FBXW10B: variants seen among roughly 807,000 people sequenced by gnomAD.
The protein encoded by FBXW10B is F-box and WD repeat domain containing 10B, also known as F-box and WD repeat domain containing protein 10B.
chr17:15,614,964 C>T, the FBXW10B span, among the ~76,000 whole-genome samples: 4 of 152,120 alleles, frequency 2.6e-5, no homozygotes, highest in Non-Finnish European at 5.9e-5. Flanking sequence ...CTAGAGCTGG[C>T]CACCATGCCA....
chr17:15,612,905 T>C, the FBXW10B span: 1 of 1,523,228 alleles, frequency 6.6e-7, no homozygotes, highest in Non-Finnish European at 8.8e-7. Context: ...AGGGAAAAAC[T>C]AGTTCTTGGC....
chr17:15,605,452 T>C, the FBXW10B span: 1,601 of 1,441,986 alleles, frequency 1.1e-3, 1 homozygote, highest in Non-Finnish European at 1.3e-3. Flanking sequence ...GGATTATCCA[T>C]GAAAGAAGAG....
chr17:15,583,542 C>T, the FBXW10B span, among the ~76,000 whole-genome samples: 10 of 148,636 alleles, frequency 6.7e-5, 1 homozygote, highest in South Asian at 2.3e-4. Context: ...TCAGGGAATG[C>T]GGTATTAGGC....
chr17:15,579,299 AG>A, the FBXW10B span, among the ~76,000 whole-genome samples: 1 of 152,206 alleles, frequency 6.6e-6, no homozygotes, highest in Non-Finnish European at 1.5e-5. Context: ...CTTTTAAAAT[AG>A]GTTTTGTTTT....
At chr17:15,572,653 C>A in the FBXW10B span, 2 of 151,638 alleles carry the variant, frequency 1.3e-5, no homozygotes, top group Non-Finnish European at 2.9e-5. Context: ...TGGGAGAGAG[C>A]ACTCCAGAGC....
At chr17:15,595,107 C>T in the FBXW10B span, among the ~76,000 whole-genome samples, 8 of 151,886 alleles carry the variant, frequency 5.3e-5, no homozygotes, top group Non-Finnish European at 8.8e-5. Flanking sequence ...TTTGGGAGGC[C>T]GAGGCGGGCG....
the FBXW10B span, among the ~76,000 whole-genome samples, chr17:15,583,628 C>CA: frequency 6.6e-6 from 1 of 150,614 alleles, no homozygotes; most frequent in Non-Finnish European, 1.5e-5. Flanking sequence ...CATCCCAACT[C>CA]AAGACTCTAG....
At chr17:15,570,224 T>C in the FBXW10B span, among the ~76,000 whole-genome samples, 4 of 152,272 alleles carry the variant, frequency 2.6e-5, 1 homozygote, top group Admixed American at 2.0e-4. Flanking sequence ...GCATCTGCTG[T>C]CAAGGCGATG....
the FBXW10B span, among the ~76,000 whole-genome samples, chr17:15,602,241 A>C: frequency 1.7e-3 from 258 of 152,342 alleles, no homozygotes; most frequent in Admixed American, 2.9e-3. Flanking sequence ...TAAAAACAGA[A>C]AGACAGTGGA....
the FBXW10B span, chr17:15,572,388 C>T: frequency 6.6e-6 from 1 of 152,192 alleles, no homozygotes; most frequent in Non-Finnish European, 1.5e-5. Context: ...AACGACTGTT[C>T]TTATAAAGCC....
the FBXW10B span, among the ~76,000 whole-genome samples, chr17:15,604,391 G>C: frequency 3.9e-5 from 6 of 152,146 alleles, no homozygotes; most frequent in Non-Finnish European, 8.8e-5. Context: ...TATAAAATTA[G>C]AATAATATTA....
the FBXW10B span, chr17:15,607,806 C>T: frequency 1.2e-6 from 1 of 838,600 alleles, no homozygotes. Context: ...AAGGCTGAGG[C>T]TGCTGCTCTG....
chr17:15,611,480 A>T, the FBXW10B span, among the ~76,000 whole-genome samples: 2 of 152,160 alleles, frequency 1.3e-5, no homozygotes, highest in African/African-American at 4.8e-5. Context: ...ATCTCTCAAG[A>T]CAATAATTAG....
the FBXW10B span, among the ~76,000 whole-genome samples, chr17:15,589,475 A>G: frequency 0.031 from 4,657 of 148,024 alleles, 188 homozygotes; most frequent in African/African-American, 0.089. Context: ...AAGGGGTTTC[A>G]TCTCACGAGC....
chr17:15,576,971 C>T, the FBXW10B span, among the ~76,000 whole-genome samples: 1 of 140,588 alleles, frequency 7.1e-6, no homozygotes, highest in Non-Finnish European at 1.5e-5. Flanking sequence ...CCAGTAAGCA[C>T]TTAAGCAAAT....
At chr17:15,594,586 G>A in the FBXW10B span, 2 of 871,278 alleles carry the variant, frequency 2.3e-6, no homozygotes, top group East Asian at 5.3e-5. Context: ...AGATGGTGGG[G>A]AAAAATGGGT....
chr17:15,614,540 T>C, the FBXW10B span, among the ~76,000 whole-genome samples: 1 of 152,096 alleles, frequency 6.6e-6, no homozygotes, highest in Non-Finnish European at 1.5e-5. Flanking sequence ...TTTCAGCTTT[T>C]TCAGCCCAAG....
the FBXW10B span, chr17:15,566,192 G>T: frequency 1.9e-6 from 3 of 1,612,188 alleles, no homozygotes; most frequent in Non-Finnish European, 2.5e-6. Context: ...GGCCTACAGG[G>T]ATAGGCAAAT....
the FBXW10B span, among the ~76,000 whole-genome samples, chr17:15,617,664 G>A: frequency 6.6e-6 from 1 of 152,194 alleles, no homozygotes; most frequent in African/African-American, 2.4e-5. Flanking sequence ...CTGTTTAAAA[G>A]AAACTGACAC....
Sources: gnomAD v4.1 joint callset for allele counts (sites outside exome capture counted in the v4.1 genomes callset) on GRCh38, gnomAD v4.1.1 for gene constraint, MANE v1.5 for transcripts, NCBI Gene and HGNC (gene_info 2026-07-23, HGNC 2026-07-21) for gene names.